The following RARB variants were observed in gnomAD, a reference collection of about 807,000 sequenced individuals.
The protein encoded by RARB is HBV-activated protein.
Under a neutral mutation model 51.9 loss-of-function variants are expected in RARB, and 17 were observed. That is an observed-to-expected ratio of 0.33 (90% CI 0.22 to 0.49). RARB has a LOEUF of 0.49. Among genes scored for constraint, RARB ranks in the 20% least tolerant of loss-of-function variants. The pLI is 0.99. For synonymous variants in RARB, 215 were observed against 195.4 expected (o/e 1.10, Z -0.84); for missense variants, 369 against 550.8 (o/e 0.67, Z 3.30).
intron 2 of RARB, among the ~76,000 whole-genome samples, chr3:25,058,952 T>A (rs532105974): frequency 6.6e-6 from 1 of 151,198 alleles, no homozygotes; most frequent in Non-Finnish European, 1.5e-5. Flanking sequence ...ACAAAAAAAT[T>A]CCAAAAAAAA....
chr3:25,198,744 A>G (rs1223616223), intron 5 of RARB, among the ~76,000 whole-genome samples: 2 of 152,136 alleles, frequency 1.3e-5, no homozygotes, highest in African/African-American at 4.8e-5. Flanking sequence ...ATGCTGTGTC[A>G]TCTTACCCAA....
At chr3:24,923,593 C>T (rs1227187077) in intron 2 of RARB, among the ~76,000 whole-genome samples, 3 of 151,838 alleles carry the variant, frequency 2.0e-5, no homozygotes, top group Non-Finnish European at 4.4e-5. Flanking sequence ...GCAAAGGTAA[C>T]AAGAATAAAC....
intron 2 of RARB, among the ~76,000 whole-genome samples, chr3:25,005,434 T>C (rs1697249214): frequency 6.6e-6 from 1 of 152,166 alleles, no homozygotes; most frequent in African/African-American, 2.4e-5. Context: ...AGGATTGGCT[T>C]CCAAGGTGAC....
intron 2 of RARB, among the ~76,000 whole-genome samples, chr3:24,949,050 C>T (rs1695833191): frequency 6.6e-6 from 1 of 152,194 alleles, no homozygotes; most frequent in Non-Finnish European, 1.5e-5. Flanking sequence ...GGTCAAAGGA[C>T]ATATTCTGTT....
chr3:25,341,100 C>T (rs1036699135), intron 5 of RARB, among the ~76,000 whole-genome samples: 7 of 152,188 alleles, frequency 4.6e-5, no homozygotes, highest in Non-Finnish European at 8.8e-5. Context: ...AACTTTGCCT[C>T]TACAGCTTCT....
intron 3 of RARB, among the ~76,000 whole-genome samples, chr3:25,060,343 AAAATGGTTCTAT>A (rs1312520492): frequency 3.3e-5 from 5 of 151,880 alleles, no homozygotes; most frequent in Admixed American, 2.6e-4. Flanking sequence ...ACTATATATA[AAAATGGTTCTAT>A]AAATGGTTCT....
chr3:25,491,703 G>A (rs1043396441), intron 2 of RARB, among the ~76,000 whole-genome samples: 3 of 152,174 alleles, frequency 2.0e-5, no homozygotes, highest in Admixed American at 6.5e-5. Context: ...CACTGTGGGA[G>A]ACCGAGGCAG....
intron 2 of RARB, among the ~76,000 whole-genome samples, chr3:25,476,944 C>G (rs1414793337): frequency 1.3e-5 from 2 of 152,094 alleles, no homozygotes; most frequent in African/African-American, 2.4e-5. Context: ...TCTCAGCACC[C>G]ACAGCAAATC....
chr3:25,080,399 A>G (rs762676180), intron 3 of RARB, among the ~76,000 whole-genome samples: 2 of 152,224 alleles, frequency 1.3e-5, no homozygotes, highest in Non-Finnish European at 2.9e-5. Context: ...ACATTGTTGA[A>G]CAAGTACCTG....
chr3:25,010,277 C>T (rs1697365927), intron 2 of RARB, among the ~76,000 whole-genome samples: 1 of 151,924 alleles, frequency 6.6e-6, no homozygotes, highest in Non-Finnish European at 1.5e-5. Flanking sequence ...ATTTAAAATT[C>T]CGTTCTCTGT....
intron 5 of RARB, among the ~76,000 whole-genome samples, chr3:25,377,835 A>G (rs1236857088): frequency 6.6e-6 from 1 of 152,186 alleles, no homozygotes; most frequent in East Asian, 1.9e-4. Context: ...TCATTTTCCA[A>G]ATGGGGAAAA....
At position 25,311,291 on chromosome 3, in the gene RARB, G is replaced by A. The variant is rs565026947; in HGVS notation, c.178+136716G>A. Among the ~76,000 whole-genome samples the A allele has an allele frequency of 7.9e-5, 12 of 152,310 alleles. No individual in the cohort carries two copies. The South Asian group carries it at 2.1e-3, about 26-fold the overall frequency. On this transcript the variant is annotated intron_variant, in intron 5 of 11. Transcript: ENST00000383772. The stretch of plus-strand genomic sequence containing the variant: ...GTCCCAGCTGGCAAGTACAAAGAAT[G>A]GGAGTGAAGACCAGATTCTGAACCG...
chr3:25,263,941 A>G (rs1703065352), intron 5 of RARB, among the ~76,000 whole-genome samples: 1 of 152,114 alleles, frequency 6.6e-6, no homozygotes, highest in Admixed American at 6.6e-5. Flanking sequence ...TATTTCTCTT[A>G]GAGCTCTAGA....
rs1326160857 is a variant in RARB at position 25,471,451 on chromosome 3, A to G, written c.306+10110A>G. The stretch of plus-strand genomic sequence containing the variant: ...AATAATTCCTACGGAAGGAGAAAAC[A>G]CTTTTCTTCTTCTAACAAATTGAGA... On this transcript the variant is annotated intron_variant, in intron 2 of 7. Coordinates refer to ENST00000330688, the MANE Select transcript of RARB (RefSeq NM_000965.5). 3.7e-4 allele frequency among the ~76,000 whole-genome samples: 56 copies of G among 152,010 alleles called. 1 individual carries two copies. Among genetic ancestry groups the G allele is most frequent in the Non-Finnish European group, 1.8e-4 (12 of 67,998 alleles).
chr3:25,310,447 A>G (rs1227391270), intron 5 of RARB, among the ~76,000 whole-genome samples: 1 of 152,208 alleles, frequency 6.6e-6, no homozygotes, highest in Non-Finnish European at 1.5e-5. Context: ...ACAATGAACA[A>G]AACAAAAGTC....
At chr3:24,965,239 ATCTG>A (rs1696231390) in intron 2 of RARB, among the ~76,000 whole-genome samples, 1 of 152,190 alleles carries the variant, frequency 6.6e-6, no homozygotes, top group South Asian at 2.1e-4. Flanking sequence ...TTTTGTATCT[ATCTG>A]GGTGCCTAGG....
At chr3:25,168,689 T>A (rs922184467) in intron 4 of RARB, among the ~76,000 whole-genome samples, 1 of 152,170 alleles carries the variant, frequency 6.6e-6, no homozygotes, top group Non-Finnish European at 1.5e-5. Context: ...GGTGAGGATA[T>A]CTTCCAGAAA....
At chr3:24,973,569 C>A (rs115715352) in intron 2 of RARB, among the ~76,000 whole-genome samples, 1 of 152,056 alleles carries the variant, frequency 6.6e-6, no homozygotes, top group East Asian at 1.9e-4. Context: ...CTCATTTTAA[C>A]AATATTTTAA....
At chr3:24,854,299 T>G (rs145472682) in intron 1 of RARB, among the ~76,000 whole-genome samples, 1 of 152,336 alleles carries the variant, frequency 6.6e-6, no homozygotes, top group African/African-American at 2.4e-5. Flanking sequence ...ACAACTCATG[T>G]TTCTCAATGT....
Sources: gnomAD v4.1 joint callset for allele counts (sites outside exome capture counted in the v4.1 genomes callset) on GRCh38, gnomAD v4.1.1 for gene constraint, MANE v1.5 for transcripts, NCBI Gene and HGNC (gene_info 2026-07-23, HGNC 2026-07-21) for gene names.